Variants in CLVS1 observed in about 807,000 individuals in gnomAD.
CLVS1 encodes the protein clavesin-1.
CLVS1 carries 10 observed loss-of-function variants against 33.1 expected under a neutral mutation model. The observed-to-expected ratio is 0.30, with a 90% CI of 0.19 to 0.51. The LOEUF (loss-of-function observed/expected upper bound fraction) is 0.51. Among genes scored for constraint, CLVS1 ranks in the 20% least tolerant of loss-of-function variants. The pLI is 0.97. For synonymous variants in CLVS1, 163 were observed against 166.1 expected (o/e 0.98, Z 0.14); for missense variants, 343 against 433.4 (o/e 0.79, Z 1.85).
At chr8:61,063,302 A>AGG (rs1804618677) in intron 1 of CLVS1, among the ~76,000 whole-genome samples, 1 of 143,710 alleles carries the variant, frequency 7.0e-6, no homozygotes, top group East Asian at 2.0e-4. Flanking sequence ...AGATAGAGAG[A>AGG]GAGAGAGAAC....
chr8:61,290,828 G>C (rs1809962134), intron 1 of CLVS1, among the ~76,000 whole-genome samples: 1 of 152,120 alleles, frequency 6.6e-6, no homozygotes, highest in African/African-American at 2.4e-5. Flanking sequence ...ATTGCCAAGA[G>C]AGACCTTCTT....
chr8:61,350,734 T>C, intron 2 of CLVS1, among the ~76,000 whole-genome samples: 1 of 152,116 alleles, frequency 6.6e-6, no homozygotes, highest in East Asian at 1.9e-4. Flanking sequence ...GTAGAGGAAA[T>C]TAAGCTGAGT....
At chr8:61,208,922 C>G (rs888186578) in intron 2 of CLVS1, among the ~76,000 whole-genome samples, 5 of 152,126 alleles carry the variant, frequency 3.3e-5, no homozygotes, top group South Asian at 2.1e-4. Flanking sequence ...CTCATAAATC[C>G]TCTTGGATTC....
At chr8:61,213,215 C>T (rs1361031470) in intron 2 of CLVS1, among the ~76,000 whole-genome samples, 3 of 149,904 alleles carry the variant, frequency 2.0e-5, no homozygotes, top group African/African-American at 5.0e-5. Flanking sequence ...GAAATGTGTC[C>T]ACTTGCTTCA....
In CLVS1 at chr8:61,417,698, C is replaced by A. The variant is rs1209417083; in HGVS notation, c.631-36443C>A. On this transcript the variant is annotated intron_variant, in intron 3 of 5. Coordinates refer to ENST00000325897, the MANE Select transcript of CLVS1 (RefSeq NM_173519.3). ...TCTTATGGCATCTTCCAACTAGGTA[C>A]TCACAATGCAAAATTATCCATACCT... Among the ~76,000 whole-genome samples, 5 of 152,202 alleles carry A rather than the reference C, an allele frequency of 3.3e-5. No homozygotes were observed. The East Asian group carries it at 9.6e-4, about 29-fold the overall frequency.
At chr8:61,305,010 T>C (rs1810571606) in intron 2 of CLVS1, among the ~76,000 whole-genome samples, 1 of 152,082 alleles carries the variant, frequency 6.6e-6, no homozygotes. Context: ...CAATCCTGGC[T>C]CCTCCTAACC....
At chr8:61,190,261 T>C (rs1205054613) in intron 2 of CLVS1, among the ~76,000 whole-genome samples, 2 of 152,174 alleles carry the variant, frequency 1.3e-5, no homozygotes, top group Admixed American at 6.5e-5. Context: ...AACAATCTGC[T>C]CCTGAATGAC....
the CLVS1 span, among the ~76,000 whole-genome samples, chr8:61,030,651 G>C: frequency 6.6e-6 from 1 of 152,202 alleles, no homozygotes; most frequent in South Asian, 2.1e-4. Context: ...AGGTGGCTGT[G>C]GACAGGTGGC....
intron 1 of CLVS1, among the ~76,000 whole-genome samples, chr8:61,088,960 C>G (rs1043295972): frequency 6.6e-6 from 1 of 152,012 alleles, no homozygotes; most frequent in Non-Finnish European, 1.5e-5. Flanking sequence ...TGCCACTACG[C>G]CTGGCTAATT....
rs556553226 is a variant in CLVS1 at position 61,501,230 on chromosome 8, G to A, written c.*1688G>A. On this transcript the variant is annotated 3_prime_UTR_variant, in exon 6 of 6. Transcript: ENST00000325897. ...GGTAAGAGAAATAAAGAATTGAAGT[G>A]AATTAGAAAATCCATTTTATTGCTT... is the stretch of plus-strand genomic sequence containing the variant. 3 of 152,240 alleles carry A rather than the reference G, an allele frequency of 2.0e-5. No individual in the cohort carries two copies. The South Asian group carries it at 6.2e-4, about 32-fold the overall frequency. 9.4% of individuals were successfully genotyped at this position (152,240 alleles called of 1,614,324 possible).
At chr8:61,350,933 G>A (rs986846012) in intron 2 of CLVS1, among the ~76,000 whole-genome samples, 3 of 152,224 alleles carry the variant, frequency 2.0e-5, no homozygotes, top group East Asian at 1.9e-4. Context: ...TAAGCCTGGG[G>A]TGTATGGAAG....
At chr8:61,377,577 A>G (rs1410077510) in intron 3 of CLVS1, 1 of 152,198 alleles carries the variant, frequency 6.6e-6, no homozygotes, top group Admixed American at 6.5e-5. Context: ...GCAGCTATGT[A>G]TATAGCAAAA....
chr8:61,393,134 G>A (rs1289365177), intron 3 of CLVS1, among the ~76,000 whole-genome samples: 1 of 151,828 alleles, frequency 6.6e-6, no homozygotes, highest in Non-Finnish European at 1.5e-5. Context: ...TGCCCACCTC[G>A]GCCTCCCAAA....
chr8:60,982,383 C>T, the CLVS1 span, among the ~76,000 whole-genome samples: 1 of 152,124 alleles, frequency 6.6e-6, no homozygotes, highest in Admixed American at 6.5e-5. Flanking sequence ...TTGACTGAAG[C>T]ACAAATAGAA....
At chr8:61,099,869 A>G (rs774961840) in intron 1 of CLVS1, among the ~76,000 whole-genome samples, 17 of 152,262 alleles carry the variant, frequency 1.1e-4, no homozygotes, top group Non-Finnish European at 1.3e-4. Context: ...GTTTAGAAAT[A>G]CAGAATATAC....
At chr8:61,051,766 C>T in the CLVS1 span, among the ~76,000 whole-genome samples, 3 of 152,256 alleles carry the variant, frequency 2.0e-5, no homozygotes, top group Non-Finnish European at 2.9e-5. Context: ...CTGCTTGGAC[C>T]TGGCATCTGG....
chr8:61,443,797 A>G (rs1289849441), intron 3 of CLVS1, among the ~76,000 whole-genome samples: 1 of 152,160 alleles, frequency 6.6e-6, no homozygotes, highest in Non-Finnish European at 1.5e-5. Flanking sequence ...TTGGATTTTG[A>G]TGGATGTTGC....
rs1266904047 is a variant in CLVS1 at position 61,271,663 on chromosome 8, G to C, written c.-151-28014G>C. ...GTGTGGGAGTCTAAGTCTCTTTGTAGGTCTCTAAGGACTTGCTTTATGAAT... is the reference window on the plus strand; with the variant it reads ...GTGTGGGAGTCTAAGTCTCTTTGTACGTCTCTAAGGACTTGCTTTATGAAT... On this transcript the variant is annotated intron_variant, in intron 2 of 2. Coordinates refer to the CLVS1 transcript ENST00000522621. 2.7e-5 allele frequency among the ~76,000 whole-genome samples: 2 copies of C among 74,852 alleles called. 1 individual carries two copies. 49.1% of individuals were successfully genotyped at this position (74,852 alleles called of 152,430 possible).
the CLVS1 span, among the ~76,000 whole-genome samples, chr8:60,980,541 T>C: frequency 3.9e-5 from 6 of 152,326 alleles, no homozygotes; most frequent in Non-Finnish European, 7.3e-5. Flanking sequence ...ATCCCAGCAC[T>C]TTGGGTGGCC....
Sources: gnomAD v4.1 joint callset for allele counts (sites outside exome capture counted in the v4.1 genomes callset) on GRCh38, gnomAD v4.1.1 for gene constraint, MANE v1.5 for transcripts, NCBI Gene and HGNC (gene_info 2026-07-23, HGNC 2026-07-21) for gene names.